GEMIN5: variants seen among roughly 807,000 people sequenced by gnomAD.
The protein encoded by GEMIN5 is gem-associated protein 5.
A neutral mutation model predicts 176.9 loss-of-function variants in GEMIN5; 124 were observed. That is an observed-to-expected ratio of 0.70 (90% CI 0.61 to 0.81). GEMIN5 has a LOEUF of 0.81. Ranked by LOEUF, GEMIN5 falls within the 40% of genes least tolerant of loss-of-function variation. The pLI is 0.00. For missense variants in GEMIN5, 1,843 were observed against 1,814.6 expected (o/e 1.02, Z -0.28); for synonymous variants, 673 against 665.2 (o/e 1.01, Z -0.18).
intron 4 of GEMIN5, 74 bp downstream of exon 4, chr5:154,932,025 A>C (rs533854191): frequency 2.7e-6 from 3 of 1,120,388 alleles, no homozygotes; most frequent in Non-Finnish European, 3.8e-6. Flanking sequence ...ATAATAAATA[A>C]AAAATGATAT....
At chr5:154,921,278 T>C in intron 10 of GEMIN5, 65 bp downstream of exon 10, 1 of 816,838 alleles carries the variant, frequency 1.2e-6, no homozygotes, top group Admixed American at 1.8e-5. Context: ...CCATCTTTAA[T>C]ATTTTAGGAT....
chr5:154,917,901 A>AT, intron 12 of GEMIN5, 30 bp downstream of exon 12: 2 of 1,492,492 alleles, frequency 1.3e-6, no homozygotes, highest in South Asian at 1.1e-5. Flanking sequence ...GCGATTGCAA[A>AT]TTTTTTATCT....
At chr5:154,909,609 A>C (rs1305959404) in intron 15 of GEMIN5, among the ~76,000 whole-genome samples, 2 of 152,182 alleles carry the variant, frequency 1.3e-5, no homozygotes, top group Admixed American at 6.5e-5. Flanking sequence ...GCCTCTTTGT[A>C]GTAAGATATA....
intron 13 of GEMIN5, 30 bp from the exon 14 acceptor site, chr5:154,913,068 G>T: frequency 6.4e-7 from 1 of 1,563,922 alleles, no homozygotes; most frequent in Non-Finnish European, 8.7e-7. Flanking sequence ...CATCACTGCT[G>T]CTACTACTAA....
At chr5:154,931,264 T>C (rs1764155160) in intron 5 of GEMIN5, among the ~76,000 whole-genome samples, 194 bp downstream of exon 5, 1 of 152,220 alleles carries the variant, frequency 6.6e-6, no homozygotes, top group Non-Finnish European at 1.5e-5. Context: ...GCATGGGAAA[T>C]ACTAATCTCT....
intron 9 of GEMIN5, 124 bp downstream of exon 9, chr5:154,924,344 AT>A (rs1284681587): frequency 3.0e-6 from 2 of 670,930 alleles, no homozygotes; most frequent in African/African-American, 3.6e-5. Flanking sequence ...CAAACAACTG[AT>A]TTGTGGTCTT....
chr5:154,889,994 G>A (rs1044748840), intron 26 of GEMIN5, among the ~76,000 whole-genome samples: 11 of 152,248 alleles, frequency 7.2e-5, no homozygotes, highest in African/African-American at 2.7e-4. Context: ...ATGTGGAAGT[G>A]CTGGATCCTA....
At chr5:154,891,845 C>T in intron 25 of GEMIN5, 103 bp from the exon 26 acceptor site, 1 of 1,165,272 alleles carries the variant, frequency 8.6e-7, no homozygotes, top group Non-Finnish European at 1.2e-6. Flanking sequence ...AGAAGCAGAC[C>T]CCAGGAAAAA....
At chr5:154,906,382 G>A (rs1763569397) in intron 16 of GEMIN5, among the ~76,000 whole-genome samples, 1 of 152,116 alleles carries the variant, frequency 6.6e-6, no homozygotes, top group South Asian at 2.1e-4. Flanking sequence ...TTGCTCAGGT[G>A]ACAAAGCACT....
chr5:154,920,044 A>G lies in GEMIN5; in HGVS notation c.1522T>C (p.Leu508=), dbSNP rs1200422323. The change falls in exon 11 of 28, where the codon TTA becomes CTA. Residue 508 remains leucine (L), a synonymous_variant. Transcript: ENST00000285873. The stretch of plus-strand genomic sequence containing the variant: ...CTAAGCTTCCAGGGATTATGCTGTA[A>G]GACAATCCCTTCTCCTCCACAGCTG... ...LYSCGGEGIV[L]QHNPWKLSGE... 1.2e-6 allele frequency: 2 copies of G among 1,609,908 alleles called. No homozygotes were observed. The highest frequency in any genetic ancestry group is 1.7e-6 in the Non-Finnish European group (2 of 1,176,132).
At chr5:154,890,808 G>C (rs1763207746) in intron 26 of GEMIN5, among the ~76,000 whole-genome samples, 1 of 152,076 alleles carries the variant, frequency 6.6e-6, no homozygotes, top group African/African-American at 2.4e-5. Flanking sequence ...CTGTTGCCCA[G>C]GCTGGAGTGC....
intron 18 of GEMIN5, among the ~76,000 whole-genome samples, chr5:154,903,694 A>T (rs1763512056): frequency 6.6e-6 from 1 of 152,190 alleles, no homozygotes; most frequent in East Asian, 1.9e-4. Flanking sequence ...AGAAAGAAAC[A>T]AATGGAAGCC....
chr5:154,924,589 G>A (rs1763990149), intron 8 of GEMIN5, 35 bp from the exon 9 acceptor site: 1 of 1,294,720 alleles, frequency 7.7e-7, no homozygotes, highest in Admixed American at 1.7e-5. Context: ...GAGAATATAA[G>A]AAGTGGGGCA....
intron 7 of GEMIN5, 24 bp downstream of exon 7, chr5:154,927,361 C>G (rs913981961): frequency 2.0e-6 from 3 of 1,512,872 alleles, no homozygotes; most frequent in African/African-American, 1.4e-5. Context: ...CTCTACAATG[C>G]TGAGTGAAAA....
chr5:154,925,776 A>G, intron 8 of GEMIN5, 86 bp downstream of exon 8: 1 of 741,326 alleles, frequency 1.3e-6, no homozygotes, highest in Non-Finnish European at 2.3e-6. Context: ...TTGATTCTCA[A>G]CAGAGCGCAT....
chr5:154,890,779 T>C (rs941083311), intron 26 of GEMIN5, among the ~76,000 whole-genome samples: 1 of 152,142 alleles, frequency 6.6e-6, no homozygotes, highest in African/African-American at 2.4e-5. Flanking sequence ...ATTTGTATTT[T>C]TTGAGATGAA....
Position 154,917,912 on chromosome 5 carries a change from TAAA to T in GEMIN5, c.1673+16_1673+18del, listed in dbSNP as rs779829793. ...ATGTGCGATTGCAAATTTTTTATCT[TAAA>T]GAAGCAAATACATACCCATCTTCAT... On this transcript the variant is annotated intron_variant, in intron 12 of 27. Transcript: ENST00000285873. The T allele has an allele frequency of 7.7e-6, 12 of 1,556,322 alleles. No individual in the cohort carries two copies. Among genetic ancestry groups the T allele is most frequent in the African/African-American group, 5.4e-5 (4 of 73,818 alleles).
chr5:154,891,309 T>A lies in GEMIN5; in HGVS notation c.4194A>T (p.Ala1398=). 6.2e-7 allele frequency: 1 copy of A among 1,614,108 alleles called. No homozygotes were observed. Among genetic ancestry groups the A allele is most frequent in the Non-Finnish European group, 8.5e-7 (1 of 1,179,978 alleles). ...CCGGTTCATTCTTATCAGGACCATT[T>A]GCTGTGGATTTACAGAGTTGACTCT... ...HQKSQLCKST[A]NGPDKNEPEV... Residue 1398 remains alanine, a synonymous_variant, in exon 26 of 28, where the codon GCA becomes GCT. Coordinates refer to ENST00000285873, the MANE Select transcript of GEMIN5 (RefSeq NM_015465.5).
chr5:154,911,222 C>T (rs1259714080), intron 15 of GEMIN5, among the ~76,000 whole-genome samples: 4 of 152,050 alleles, frequency 2.6e-5, no homozygotes, highest in Non-Finnish European at 5.9e-5. Flanking sequence ...CATTTAGAAA[C>T]CAAGATCTGG....
Sources: allele counts gnomAD v4.1 joint callset (sites outside exome capture counted in the v4.1 genomes callset), GRCh38; gene constraint gnomAD v4.1.1; transcripts MANE v1.5; gene names NCBI Gene and HGNC (gene_info 2026-07-23, HGNC 2026-07-21).